MYMX: variants seen among roughly 807,000 people sequenced by gnomAD.
MYMX encodes protein myomixer.
Position 44,217,862 on chromosome 6 carries a change from A to G in MYMX, c.*136A>G. On this transcript the variant is annotated 3_prime_UTR_variant, in exon 2 of 2. Coordinates refer to ENST00000573382, the MANE Select transcript of MYMX (RefSeq NM_001315494.2). ...GGGTTGTGCATGAGAGGGATCTGCC[A>G]CAGACATGCCTCTCCACTCCCAACA... 1 of 399,426 alleles carries G rather than the reference A, an allele frequency of 2.5e-6. No homozygotes were observed. Among genetic ancestry groups the G allele is most frequent in the Middle Eastern group, 3.6e-4 (1 of 2,810 alleles). The allele number at this position is 399,426 out of a possible 1,614,324, so 24.7% of individuals were successfully genotyped here.
chr6:44,200,801 A>G, the MYMX span, among the ~76,000 whole-genome samples: 3 of 152,250 alleles, frequency 2.0e-5, no homozygotes, highest in African/African-American at 7.2e-5. Flanking sequence ...CCTCTGAGGC[A>G]TTGCCAGAGA....
At chr6:44,195,202 A>G in the MYMX span, among the ~76,000 whole-genome samples, 3 of 152,024 alleles carry the variant, frequency 2.0e-5, no homozygotes, top group Non-Finnish European at 4.4e-5. Flanking sequence ...TAATTTTAGT[A>G]GAGATGGGGT....
upstream of MYMX, among the ~76,000 whole-genome samples, chr6:44,214,594 A>G (rs1775761121): frequency 6.6e-6 from 1 of 152,128 alleles, no homozygotes; most frequent in East Asian, 1.9e-4. Context: ...GCTTTTTGAG[A>G]TGGAGTCTCA....
the MYMX span, among the ~76,000 whole-genome samples, chr6:44,201,995 CAT>C: frequency 0.2 from 30,406 of 152,080 alleles, 3,526 homozygotes; most frequent in Middle Eastern, 0.4. Flanking sequence ...GACCCAGACA[CAT>C]GTTTTTAATG....
chr6:44,199,273 T>C, the MYMX span, among the ~76,000 whole-genome samples: 1 of 152,198 alleles, frequency 6.6e-6, no homozygotes, highest in South Asian at 2.1e-4. Context: ...CATGGTTCAC[T>C]GTAGTCTAGA....
upstream of MYMX, among the ~76,000 whole-genome samples, chr6:44,216,629 G>T (rs1775877455): frequency 7.0e-6 from 1 of 143,720 alleles, no homozygotes. Context: ...TCTAGCCTGG[G>T]CAAAAAGAGC....
upstream of MYMX, among the ~76,000 whole-genome samples, chr6:44,212,905 G>A (rs1775673280): frequency 6.6e-6 from 1 of 151,450 alleles, no homozygotes; most frequent in Non-Finnish European, 1.5e-5. Flanking sequence ...GCATGCACCT[G>A]TAGTTCCAGC....
chr6:44,196,397 G>T, the MYMX span, among the ~76,000 whole-genome samples: 1 of 152,184 alleles, frequency 6.6e-6, no homozygotes, highest in Admixed American at 6.5e-5. Context: ...TCTTTCTTTA[G>T]GCTGGGAGCA....
At chr6:44,213,806 A>G (rs1338686829), upstream of MYMX, among the ~76,000 whole-genome samples, 1 of 151,664 alleles carries the variant, frequency 6.6e-6, no homozygotes, top group Non-Finnish European at 1.5e-5. Flanking sequence ...CCAAAATTCT[A>G]AATAAATTTT....
At chr6:44,200,168 C>G in the MYMX span, among the ~76,000 whole-genome samples, 3 of 149,284 alleles carry the variant, frequency 2.0e-5, no homozygotes, top group Non-Finnish European at 2.9e-5. Flanking sequence ...GAGCCTACCT[C>G]TTAAAAAAAA....
the MYMX span, among the ~76,000 whole-genome samples, chr6:44,193,097 G>A: frequency 0.18 from 26,735 of 151,936 alleles, 3,099 homozygotes; most frequent in Non-Finnish European, 0.25. Flanking sequence ...CTGTCACCGA[G>A]GCCCTCTCTG....
At chr6:44,196,135 G>GTAT in the MYMX span, among the ~76,000 whole-genome samples, 1 of 152,054 alleles carries the variant, frequency 6.6e-6, no homozygotes, top group Non-Finnish European at 1.5e-5. Context: ...TAGAGACAGG[G>GTAT]TTTCACTATG....
the MYMX span, among the ~76,000 whole-genome samples, chr6:44,194,568 C>A: frequency 2.0e-5 from 3 of 152,186 alleles, no homozygotes; most frequent in African/African-American, 7.2e-5. Context: ...GATCCCTCAT[C>A]CCTGGCACAA....
chr6:44,205,917 T>C, the MYMX span, among the ~76,000 whole-genome samples: 1 of 139,300 alleles, frequency 7.2e-6, no homozygotes. Flanking sequence ...GAGGCAGAGG[T>C]TGCAATGAGC....
At chr6:44,202,970 G>A in the MYMX span, among the ~76,000 whole-genome samples, 1 of 152,190 alleles carries the variant, frequency 6.6e-6, no homozygotes, top group African/African-American at 2.4e-5. Context: ...CTTACCCCAG[G>A]GTCCAAGGAT....
the MYMX span, among the ~76,000 whole-genome samples, chr6:44,195,989 C>T: frequency 1.3e-5 from 2 of 152,082 alleles, no homozygotes; most frequent in East Asian, 1.9e-4. Flanking sequence ...TTGCCCAGGC[C>T]GGGAGTGCAG....
the MYMX span, among the ~76,000 whole-genome samples, chr6:44,207,245 G>A: frequency 6.6e-6 from 1 of 151,618 alleles, no homozygotes; most frequent in African/African-American, 2.4e-5. Flanking sequence ...TGCAAGCTCC[G>A]CCTCCCAGGT....
upstream of MYMX, among the ~76,000 whole-genome samples, chr6:44,214,021 G>A (rs888847374): frequency 6.6e-6 from 1 of 152,178 alleles, no homozygotes; most frequent in African/African-American, 2.4e-5. Flanking sequence ...GTCTCACTAT[G>A]TTGCCCTGGC....
chr6:44,201,682 C>G, the MYMX span, among the ~76,000 whole-genome samples: 1 of 152,216 alleles, frequency 6.6e-6, no homozygotes. Context: ...CTCTGCTGGC[C>G]TCTGACATAA....
Sources: allele counts gnomAD v4.1 joint callset (sites outside exome capture counted in the v4.1 genomes callset), GRCh38; gene constraint gnomAD v4.1.1; transcripts MANE v1.5; gene names NCBI Gene and HGNC (gene_info 2026-07-23, HGNC 2026-07-21).